Variants in RBM33 observed in about 807,000 individuals in gnomAD.
RBM33 encodes RNA binding motif protein 33, also known as RNA-binding protein 33.
Under a neutral mutation model 132.6 loss-of-function variants are expected in RBM33, and 28 were observed. The observed-to-expected ratio is 0.21, with a 90% CI of 0.16 to 0.29. The LOEUF (loss-of-function observed/expected upper bound fraction) is 0.29. Among genes scored for constraint, RBM33 ranks in the 10% least tolerant of loss-of-function variants. The pLI, the probability that RBM33 is intolerant of heterozygous loss-of-function variation, is 1.00. For synonymous variants in RBM33, 634 were observed against 593.0 expected, an observed-to-expected ratio of 1.07 and a Z score of -1.01; for missense variants, 1,291 against 1,518.5, an observed-to-expected ratio of 0.85 and a Z score of 2.49.
intron 5 of RBM33, among the ~76,000 whole-genome samples, chr7:155,686,184 A>G (rs185486975): frequency 6.6e-6 from 1 of 152,396 alleles, no homozygotes; most frequent in African/African-American, 2.4e-5. Context: ...CCAAGAACTA[A>G]GACAAAGCTA....
At chr7:155,732,738 G>A (rs1800991981) in intron 9 of RBM33, among the ~76,000 whole-genome samples, 1 of 152,188 alleles carries the variant, frequency 6.6e-6, no homozygotes, top group African/African-American at 2.4e-5. Flanking sequence ...AGGAAGTGCG[G>A]CAAGGATGCC....
chr7:155,725,034 G>GTGTA (rs1186705444), intron 9 of RBM33, among the ~76,000 whole-genome samples: 1 of 141,844 alleles, frequency 7.1e-6, no homozygotes, highest in Non-Finnish European at 1.5e-5. Context: ...GTGTGTGTGT[G>GTGTA]TGTACAGATT....
chr7:155,673,791 CA>C (rs1563138141), intron 3 of RBM33, among the ~76,000 whole-genome samples: 5 of 144,620 alleles, frequency 3.5e-5, no homozygotes, highest in African/African-American at 1.1e-4. Flanking sequence ...CACACACACA[CA>C]CACACACACC....
At chr7:155,695,935 C>CGTGTGT (rs367596855) in intron 5 of RBM33, among the ~76,000 whole-genome samples, 1 of 150,338 alleles carries the variant, frequency 6.7e-6, no homozygotes, top group Non-Finnish European at 1.5e-5. Context: ...TATGTGCGCA[C>CGTGTGT]GTGTGTGTGT....
Position 155,706,934 on chromosome 7 carries a change from A to G in RBM33, c.814A>G (p.Ser272Gly). The change falls in exon 7 of 18, where the codon AGC (serine) becomes GGC (glycine). Residue 272 changes from serine (S) to glycine (G), a missense_variant. This residue lies in a region of RBM33 where 34 missense variants were observed against 46.5 expected (regional missense o/e 0.73). Transcript: ENST00000401878. ...RERQHKQGRY[S>G]SRRGGRRGGP... ...GCGACAGCATAAACAAGGACGCTAC[A>G]GCTCCAGGCGGGGAGGACGGCGAGG... 6.2e-7 allele frequency: 1 copy of G among 1,606,670 alleles called. No individual in the cohort carries two copies. Among genetic ancestry groups the G allele is most frequent in the Non-Finnish European group, 8.5e-7 (1 of 1,176,764 alleles).
chr7:155,760,029 G>A (rs1351773558), intron 14 of RBM33, among the ~76,000 whole-genome samples: 1 of 152,174 alleles, frequency 6.6e-6, no homozygotes. Flanking sequence ...GATTGACAGT[G>A]GCTGTAACCT....
chr7:155,712,231 C>T (rs556049385), intron 8 of RBM33, among the ~76,000 whole-genome samples: 62 of 152,284 alleles, frequency 4.1e-4, no homozygotes, highest in Middle Eastern at 3.4e-3. Flanking sequence ...GGGGACACAC[C>T]ATCTTTTAGT....
chr7:155,644,935 G>A lies in RBM33; in HGVS notation c.43+16G>A. On this transcript the variant is annotated intron_variant, in intron 1 of 17. Transcript: ENST00000401878. ...GGCGCCGGAGGTACGTGAGGCAGCCGGACTCTGGGGGCCAGGACCGCGCCG... is the reference window on the plus strand; with the variant it reads ...GGCGCCGGAGGTACGTGAGGCAGCCAGACTCTGGGGGCCAGGACCGCGCCG... 6.7e-7 allele frequency: 1 copy of A among 1,491,668 alleles called. No individual in the cohort carries two copies. The allele number at this position is 1,491,668 out of a possible 1,614,324, so 92.4% of individuals were successfully genotyped here. A position where few individuals can be genotyped will look rare whatever the true frequency, so the allele number is the denominator to read the frequency against.
intron 16 of RBM33, among the ~76,000 whole-genome samples, chr7:155,770,529 C>G (rs1360588400): frequency 1.3e-5 from 2 of 151,490 alleles, no homozygotes; most frequent in African/African-American, 4.9e-5. Flanking sequence ...GAATTTACAT[C>G]TCTCATGATT....
In RBM33 at chr7:155,779,322, G is replaced by A. The variant is rs1242835402; in HGVS notation, c.*4281G>A. 1 of 152,062 alleles carries A rather than the reference G, an allele frequency of 6.6e-6. No individual in the cohort carries two copies. The highest frequency in any genetic ancestry group is 2.4e-5 in the African/African-American group (1 of 41,380). The allele number at this position is 152,062 out of a possible 1,614,324, so 9.4% of individuals were successfully genotyped here. Reference sequence around the variant, plus strand: ...TACCAGGGAGTTGACTGATAGGAGTGTGTGCAGGGCAGGAAAGGTTCGGAG... The same window carrying A: ...TACCAGGGAGTTGACTGATAGGAGTATGTGCAGGGCAGGAAAGGTTCGGAG... On this transcript the variant is annotated 3_prime_UTR_variant, in exon 18 of 18. Transcript: ENST00000401878.
At chr7:155,738,430 G>A in intron 11 of RBM33, 27 bp downstream of exon 11, 1 of 1,570,810 alleles carries the variant, frequency 6.4e-7, no homozygotes, top group Non-Finnish European at 8.7e-7. Flanking sequence ...GAACCTCCAG[G>A]GAAAAAATGT....
At chr7:155,695,168 G>A (rs925122104) in intron 5 of RBM33, among the ~76,000 whole-genome samples, 2 of 151,990 alleles carry the variant, frequency 1.3e-5, no homozygotes, top group Admixed American at 6.6e-5. Context: ...TTGGACTTCC[G>A]TATATCTTCT....
At chr7:155,714,960 TCAC>T (rs1264724886) in intron 8 of RBM33, among the ~76,000 whole-genome samples, 11 of 152,040 alleles carry the variant, frequency 7.2e-5, no homozygotes, top group Non-Finnish European at 1.3e-4. Context: ...TGTCTGCGGG[TCAC>T]CACCAGGCCA....
intron 9 of RBM33, among the ~76,000 whole-genome samples, chr7:155,734,923 C>G (rs1401970610): frequency 6.6e-6 from 1 of 152,000 alleles, no homozygotes; most frequent in Non-Finnish European, 1.5e-5. Context: ...AATGCAGAAC[C>G]TTGATTGCTA....
intron 5 of RBM33, among the ~76,000 whole-genome samples, chr7:155,692,204 A>G (rs1799663914): frequency 6.6e-6 from 1 of 152,176 alleles, no homozygotes; most frequent in African/African-American, 2.4e-5. Flanking sequence ...TATTCAGTAA[A>G]AATTAAAAGA....
chr7:155,730,329 C>T (rs749950872), intron 9 of RBM33, among the ~76,000 whole-genome samples: 9 of 152,054 alleles, frequency 5.9e-5, no homozygotes, highest in Non-Finnish European at 1.2e-4. Flanking sequence ...TGGTTTTTAC[C>T]ATATATGGAA....
intron 2 of RBM33, among the ~76,000 whole-genome samples, chr7:155,670,786 G>T (rs1474764289): frequency 1.3e-5 from 2 of 152,130 alleles, no homozygotes; most frequent in African/African-American, 4.8e-5. Flanking sequence ...GAATCCCACT[G>T]TCCCCCATCC....
chr7:155,763,252 T>C (rs889819603), intron 14 of RBM33, among the ~76,000 whole-genome samples: 9 of 152,234 alleles, frequency 5.9e-5, no homozygotes, highest in Admixed American at 1.3e-4. Flanking sequence ...TCTTCGGCGC[T>C]TCAGAGCACT....
At chr7:155,721,103 C>T (rs1800610465) in intron 9 of RBM33, among the ~76,000 whole-genome samples, 1 of 151,920 alleles carries the variant, frequency 6.6e-6, no homozygotes, top group Non-Finnish European at 1.5e-5. Context: ...TCTCATTGCT[C>T]CTAGGATAGG....
Sources: allele counts gnomAD v4.1 joint callset (sites outside exome capture counted in the v4.1 genomes callset), GRCh38; gene constraint gnomAD v4.1.1; regional missense constraint gnomAD v4.1.1; transcripts MANE v1.5; gene names NCBI Gene and HGNC (gene_info 2026-07-23, HGNC 2026-07-21).